The following NECTIN1 variants were observed in gnomAD, a reference collection of about 807,000 sequenced individuals.
NECTIN1 encodes nectin cell adhesion molecule 1.
A neutral mutation model predicts 48.0 loss-of-function variants in NECTIN1; 23 were observed. The ratio of observed to expected loss-of-function variants is 0.48; its 90% CI spans 0.34 to 0.68. The LOEUF is 0.68. Among genes scored for constraint, NECTIN1 ranks in the 30% least tolerant of loss-of-function variants. NECTIN1 has a pLI of 0.01. For synonymous variants in NECTIN1, 270 were observed against 288.9 expected, an observed-to-expected ratio of 0.93 and a Z score of 0.66; for missense variants, 591 against 709.9, an observed-to-expected ratio of 0.83 and a Z score of 1.90.
At chr11:119,649,329 C>G (rs1424867718) in intron 5 of NECTIN1, among the ~76,000 whole-genome samples, 1 of 150,398 alleles carries the variant, frequency 6.6e-6, no homozygotes, top group Admixed American at 6.6e-5. Context: ...TGCAGTGAGC[C>G]AAGATTGTGC....
rs374584229 is a variant in NECTIN1 at position 119,681,286 on chromosome 11, A to G, written c.80-2521T>C. Among the ~76,000 whole-genome samples the G allele has an allele frequency of 3.0e-4, 46 of 152,356 alleles. No homozygotes were observed. The East Asian group carries it at 8.9e-3, about 29-fold the overall frequency. On this transcript the variant is annotated intron_variant, in intron 1 of 5. Transcript: ENST00000264025. ...GAACTTGCACCACACAAAGCTAGGAACAGGAAAAGCCAGTTGGGAGGGCTT... is the reference window on the plus strand; with the variant it reads ...GAACTTGCACCACACAAAGCTAGGAGCAGGAAAAGCCAGTTGGGAGGGCTT...
At position 119,728,849 on chromosome 11, in the gene NECTIN1, C is replaced by T. The variant is rs926519708; in HGVS notation, c.-296G>A. The T allele has an allele frequency of 6.3e-6, 2 of 318,792 alleles. No homozygotes were observed. Among genetic ancestry groups the T allele is most frequent in the Non-Finnish European group, 1.1e-5 (2 of 175,230 alleles). 19.7% of individuals were successfully genotyped at this position (318,792 alleles called of 1,614,324 possible). On this transcript the variant is annotated 5_prime_UTR_variant, in exon 1 of 6. The change creates a new upstream start codon in the 5' untranslated region. Transcript: ENST00000264025. ...CGCCGGTCCCCGCCCTCTTCTTCCACGCAGAGCGGGGCTGGGGAGAGGGAC... is the reference window on the plus strand; with the variant it reads ...CGCCGGTCCCCGCCCTCTTCTTCCATGCAGAGCGGGGCTGGGGAGAGGGAC...
rs764877239 is a variant in NECTIN1, at chr11:119,720,670, G to A, written c.79+7805C>T. On this transcript the variant is annotated intron_variant, in intron 1 of 5. Transcript: ENST00000264025. ...ATGGACACCTCCTTCAAGCCATGGC[G>A]GCGTTCTGATGACCAGCAGGTATGC... Among the ~76,000 whole-genome samples, 31 of 152,370 alleles carry A rather than the reference G, an allele frequency of 2.0e-4. No individual in the cohort carries two copies. In the Middle Eastern group the frequency reaches 0.014, roughly 67 times the overall value.
At chr11:119,692,459 T>C (rs951673582) in intron 1 of NECTIN1, among the ~76,000 whole-genome samples, 2 of 151,674 alleles carry the variant, frequency 1.3e-5, no homozygotes, top group Non-Finnish European at 2.9e-5. Flanking sequence ...GTGGACCCCA[T>C]GTTTGCCACC....
In NECTIN1 at chr11:119,678,884, T is replaced by C; in HGVS notation, c.80-119A>G. On this transcript the variant is annotated intron_variant, in intron 1 of 5. Transcript: ENST00000264025. This position sits in a 1 kb window ranked among gnomAD's most constrained non-coding sequence, Gnocchi z 4.4. The stretch of plus-strand genomic sequence containing the variant: ...GTCATTATTGTTTTTATTCCGATTG[T>C]AAAAATATTAATTACTTGTTATAAA... 1.4e-6 allele frequency: 1 copy of C among 722,316 alleles called. No individual in the cohort carries two copies. The highest frequency in any genetic ancestry group is 1.6e-5 in the South Asian group (1 of 64,422). The allele number at this position is 722,316 out of a possible 1,614,324, so 44.7% of individuals were successfully genotyped here. A position where few individuals can be genotyped will look rare whatever the true frequency, so the allele number is the denominator to read the frequency against.
rs532356727 is a variant in NECTIN1, at chr11:119,710,445, C to T, written c.79+18030G>A. Among the ~76,000 whole-genome samples the T allele has an allele frequency of 7.7e-4, 117 of 152,086 alleles. No individual in the cohort carries two copies. In the South Asian group the frequency reaches 0.013, roughly 17 times the overall value. On this transcript the variant is annotated intron_variant, in intron 1 of 5. Coordinates refer to ENST00000264025, the MANE Select transcript of NECTIN1 (RefSeq NM_002855.5). ...ACACACACACACACAGCCCTGCATG[C>T]GTGTGTATGCATGTGAAGGATATCA... is the stretch of plus-strand genomic sequence containing the variant.
Position 119,684,878 on chromosome 11 carries a change from A to G in NECTIN1, c.80-6113T>C, listed in dbSNP as rs1865128432. On this transcript the variant is annotated intron_variant, in intron 1 of 5. Transcript: ENST00000264025. The surrounding 1 kb of genome is among the most constrained non-coding windows in gnomAD (Gnocchi z 5.2). ...CAAAACCCAGAGGGGCAGGGCTCTC[A>G]CTGAGCTTGTCCTGTCTCATTTCCC... 6.6e-6 allele frequency among the ~76,000 whole-genome samples: 1 copy of G among 152,170 alleles called. No individual in the cohort carries two copies.
intron 1 of NECTIN1, among the ~76,000 whole-genome samples, chr11:119,693,867 G>C (rs1283940528): frequency 1.3e-5 from 2 of 152,054 alleles, no homozygotes; most frequent in African/African-American, 4.8e-5. Context: ...GGAAAGGGTG[G>C]GTTTTCTTTT....
chr11:119,651,848 T>G (rs1044073799), intron 5 of NECTIN1, among the ~76,000 whole-genome samples: 1 of 152,140 alleles, frequency 6.6e-6, no homozygotes, highest in Non-Finnish European at 1.5e-5. Context: ...CTGCTTTGTC[T>G]TCAGGAGCAA....
rs1864753523 is a variant in NECTIN1, at chr11:119,665,512, G to A, written c.1004-215C>T. Among the ~76,000 whole-genome samples, 1 of 152,138 alleles carries A rather than the reference G, an allele frequency of 6.6e-6. No homozygotes were observed. Among genetic ancestry groups the A allele is most frequent in the Admixed American group, 6.5e-5 (1 of 15,276 alleles). ...TAGCTGGAGTGAGAGACAGGCAAGA[G>A]GAGAGGCAGAGGGCAGTACCCACAG... On this transcript the variant is annotated intron_variant, in intron 5 of 5. Coordinates refer to ENST00000264025, the MANE Select transcript of NECTIN1 (RefSeq NM_002855.5). This position sits in a 1 kb window ranked among gnomAD's most constrained non-coding sequence, Gnocchi z 5.1.
At chr11:119,715,654 T>G (rs1356564390) in intron 1 of NECTIN1, among the ~76,000 whole-genome samples, 2 of 152,108 alleles carry the variant, frequency 1.3e-5, no homozygotes, top group African/African-American at 2.4e-5. Flanking sequence ...CTGTGCCCAG[T>G]GGGCTCAGGT....
At chr11:119,643,423 C>T (rs1324423431) in intron 5 of NECTIN1, among the ~76,000 whole-genome samples, 2 of 152,204 alleles carry the variant, frequency 1.3e-5, no homozygotes, top group Admixed American at 1.3e-4. Context: ...TTAAGTAATT[C>T]GTTCAGGATC....
At chr11:119,722,537 G>A (rs1407526335) in intron 1 of NECTIN1, among the ~76,000 whole-genome samples, 1 of 152,246 alleles carries the variant, frequency 6.6e-6, no homozygotes, top group Non-Finnish European at 1.5e-5. Context: ...TGCCCCAGCT[G>A]GGCCACAGCC....
chr11:119,648,063 CAAAA>C lies in NECTIN1; in HGVS notation c.1004-8055_1004-8052del, dbSNP rs55695982. ...TGGGTGACAGAGTGAGACACCGTCT[CAAAA>C]AAAAAAAAAAAAAAAAAAAAAAAGG... On this transcript the variant is annotated intron_variant, in intron 5 of 7. Coordinates refer to the NECTIN1 transcript ENST00000341398. Among the ~76,000 whole-genome samples the C allele has an allele frequency of 7.0e-4, 30 of 43,090 alleles. 2 individuals are homozygous for C. Among genetic ancestry groups the C allele is most frequent in the African/African-American group, 2.2e-3 (26 of 11,856 alleles). The allele number at this position is 43,090 out of a possible 152,430, so 28.3% of individuals were successfully genotyped here.
chr11:119,640,085 A>G, intron 5 of NECTIN1: 1 of 1,456,404 alleles, frequency 6.9e-7, no homozygotes, highest in South Asian at 1.2e-5. Flanking sequence ...GAGATGTGAG[A>G]GAGTCAGACC....
chr11:119,658,275 C>T (rs117091153), downstream of NECTIN1, among the ~76,000 whole-genome samples: 433 of 152,236 alleles, frequency 2.8e-3, 6 homozygotes, highest in East Asian at 0.039. Flanking sequence ...GGGGTGAGGA[C>T]ATTGACTGCA....
At chr11:119,726,852 C>T (rs1263978945) in intron 1 of NECTIN1, among the ~76,000 whole-genome samples, 1 of 152,186 alleles carries the variant, frequency 6.6e-6, no homozygotes, top group Non-Finnish European at 1.5e-5. Context: ...TGAAGGGTTC[C>T]TGGAAGCTCA....
chr11:119,696,320 A>G (rs1865339724), intron 1 of NECTIN1, among the ~76,000 whole-genome samples: 1 of 152,210 alleles, frequency 6.6e-6, no homozygotes, highest in African/African-American at 2.4e-5. Flanking sequence ...TGCCTAGAGT[A>G]AGGTGAGGAT....
At chr11:119,669,696 T>C (rs1480622268) in intron 5 of NECTIN1, among the ~76,000 whole-genome samples, 1 of 152,124 alleles carries the variant, frequency 6.6e-6, no homozygotes, top group African/African-American at 2.4e-5. Context: ...AAGTCATCTG[T>C]TCCCGCTTTC....
Sources: allele counts gnomAD v4.1 joint callset (sites outside exome capture counted in the v4.1 genomes callset), GRCh38; gene constraint gnomAD v4.1.1; non-coding constraint Gnocchi (gnomAD v3.1); transcripts MANE v1.5; gene names NCBI Gene and HGNC (gene_info 2026-07-23, HGNC 2026-07-21).